Variants in ARHGAP10 observed in about 807,000 individuals in gnomAD.
ARHGAP10 encodes the protein Rho GTPase activating protein 10, also known as rho GTPase-activating protein 10.
A neutral mutation model predicts 108.6 loss-of-function variants in ARHGAP10; 87 were observed. The observed-to-expected ratio is 0.80, with a 90% confidence interval of 0.67 to 0.96. The LOEUF is 0.96. ARHGAP10 is among the 40% of genes least tolerant of loss of function. ARHGAP10 has a pLI of 0.00. For synonymous variants in ARHGAP10, 347 were observed against 341.1 expected (o/e 1.02, Z -0.19); for missense variants, 939 against 954.5 (o/e 0.98, Z 0.21).
intron 18 of ARHGAP10, among the ~76,000 whole-genome samples, chr4:148,019,418 T>C (rs13104594): frequency 0.072 from 10,960 of 152,190 alleles, 519 homozygotes; most frequent in South Asian, 0.19. Context: ...ATGGTTCTCA[T>C]TGTGCACATG....
chr4:148,043,433 GA>G (rs2149677748), intron 19 of ARHGAP10, among the ~76,000 whole-genome samples: 1 of 151,662 alleles, frequency 6.6e-6, no homozygotes, highest in East Asian at 1.9e-4. Flanking sequence ...GAAAAATAAT[GA>G]GTGTATCTGA....
intron 3 of ARHGAP10, among the ~76,000 whole-genome samples, chr4:147,831,235 T>C (rs1181669741): frequency 1.3e-5 from 2 of 152,224 alleles, no homozygotes; most frequent in Non-Finnish European, 2.9e-5. Flanking sequence ...GATGACTGTG[T>C]CCCTGTCAGG....
chr4:147,848,602 C>G (rs1009304604), intron 4 of ARHGAP10, among the ~76,000 whole-genome samples: 4 of 152,338 alleles, frequency 2.6e-5, no homozygotes, highest in Non-Finnish European at 1.5e-5. Context: ...TCTCTTTTAA[C>G]ATTTCATTGG....
intron 18 of ARHGAP10, among the ~76,000 whole-genome samples, chr4:147,998,821 A>C (rs1740582370): frequency 6.6e-6 from 1 of 152,260 alleles, no homozygotes; most frequent in African/African-American, 2.4e-5. Context: ...AATATATCTT[A>C]AAATTTGTAT....
intron 15 of ARHGAP10, among the ~76,000 whole-genome samples, chr4:147,951,013 G>A (rs765268599): frequency 2.6e-5 from 4 of 152,036 alleles, no homozygotes. Flanking sequence ...AAAACATGTC[G>A]GGTGGGAGGC....
chr4:147,914,442 C>A (rs1203096387), intron 13 of ARHGAP10, among the ~76,000 whole-genome samples: 1 of 151,982 alleles, frequency 6.6e-6, no homozygotes, highest in East Asian at 1.9e-4. Flanking sequence ...ACTGCAGCCT[C>A]AAATTCCTGG....
intron 19 of ARHGAP10, among the ~76,000 whole-genome samples, chr4:148,030,471 C>T (rs1038211597): frequency 3.3e-5 from 5 of 152,100 alleles, no homozygotes; most frequent in African/African-American, 1.2e-4. Flanking sequence ...TCTTTGATAG[C>T]CAGGAAGATG....
intron 1 of ARHGAP10, among the ~76,000 whole-genome samples, chr4:147,821,055 G>T (rs1430617260): frequency 1.3e-5 from 2 of 152,088 alleles, no homozygotes; most frequent in African/African-American, 4.8e-5. Flanking sequence ...CATGTACAGG[G>T]CTGGCTGGCT....
chr4:148,055,847 C>T (rs535227070), intron 20 of ARHGAP10, among the ~76,000 whole-genome samples: 1 of 152,238 alleles, frequency 6.6e-6, no homozygotes, highest in Admixed American at 6.5e-5. Flanking sequence ...ATGTGTGGGT[C>T]AGCCCCAGGC....
At chr4:147,938,645 A>T (rs1284104802) in intron 13 of ARHGAP10, among the ~76,000 whole-genome samples, 4 of 152,186 alleles carry the variant, frequency 2.6e-5, no homozygotes, top group Non-Finnish European at 4.4e-5. Context: ...TCTGACTAGT[A>T]TTCTTTTCAT....
At chr4:147,756,045 G>T (rs935988275) in intron 1 of ARHGAP10, among the ~76,000 whole-genome samples, 5 of 150,944 alleles carry the variant, frequency 3.3e-5, no homozygotes, top group Non-Finnish European at 7.4e-5. Flanking sequence ...CTAGTTGTCA[G>T]TGGTGAGGAT....
intron 4 of ARHGAP10, among the ~76,000 whole-genome samples, chr4:147,852,632 A>G (rs1330972985): frequency 2.0e-5 from 3 of 151,348 alleles, no homozygotes; most frequent in Non-Finnish European, 4.4e-5. Context: ...TAAGGAAGCC[A>G]GTTTTACCAT....
intron 4 of ARHGAP10, among the ~76,000 whole-genome samples, chr4:147,854,999 GTCACCCCT>G (rs1226438486): frequency 6.6e-6 from 1 of 152,130 alleles, no homozygotes; most frequent in East Asian, 1.9e-4. Context: ...TGATTAAAGC[GTCACCCCT>G]TCCTCGGCCC....
At chr4:147,918,924 ACT>A (rs913466332) in intron 13 of ARHGAP10, among the ~76,000 whole-genome samples, 5 of 152,052 alleles carry the variant, frequency 3.3e-5, no homozygotes, top group Admixed American at 6.5e-5. Context: ...TTGGGACCTT[ACT>A]CTCTCATACT....
At chr4:147,997,871 CAA>C (rs975269577) in intron 18 of ARHGAP10, among the ~76,000 whole-genome samples, 1 of 151,818 alleles carries the variant, frequency 6.6e-6, no homozygotes, top group Non-Finnish European at 1.5e-5. Context: ...ATAATAGGAG[CAA>C]AAAAATTAGT....
Position 147,750,836 on chromosome 4 carries a change from C to T in ARHGAP10, c.154+18381C>T, listed in dbSNP as rs554099489. Among the ~76,000 whole-genome samples the T allele has an allele frequency of 1.5e-4, 23 of 151,994 alleles. No homozygotes were observed. The South Asian group carries it at 3.1e-3, about 21-fold the overall frequency. ...CAGGCTGGCATCAAACTCCTGACCT[C>T]GTGATCCGCCTGCCTCAGCCTCCCA... On this transcript the variant is annotated intron_variant, in intron 1 of 22. Coordinates refer to ENST00000336498, the MANE Select transcript of ARHGAP10 (RefSeq NM_024605.4).
At chr4:147,981,640 C>G (rs1287257718) in intron 18 of ARHGAP10, among the ~76,000 whole-genome samples, 1 of 152,132 alleles carries the variant, frequency 6.6e-6, no homozygotes, top group Admixed American at 6.5e-5. Flanking sequence ...GTGTCTAATG[C>G]CATCAGTGAA....
chr4:147,746,206 C>T lies in ARHGAP10; in HGVS notation c.154+13751C>T, dbSNP rs559264134. Reference sequence around the variant, plus strand: ...GCATCCTCTGCCTCCGGGGTTAAAGCGATTCTTCTGCCTCAGCCTCCCGAG... The same window carrying T: ...GCATCCTCTGCCTCCGGGGTTAAAGTGATTCTTCTGCCTCAGCCTCCCGAG... On this transcript the variant is annotated intron_variant, in intron 1 of 22. Transcript: ENST00000336498. Among the ~76,000 whole-genome samples, 14 of 151,224 alleles carry T rather than the reference C, an allele frequency of 9.3e-5. 1 individual carries two copies. The highest frequency in any genetic ancestry group is 1.7e-4 in the African/African-American group (7 of 41,148).
intron 18 of ARHGAP10, among the ~76,000 whole-genome samples, chr4:148,017,003 A>C (rs1220061994): frequency 2.0e-5 from 3 of 151,722 alleles, no homozygotes; most frequent in Non-Finnish European, 4.4e-5. Context: ...AAAAAAAAAA[A>C]AACCAGCTGG....
Sources: allele counts gnomAD v4.1 joint callset (sites outside exome capture counted in the v4.1 genomes callset), GRCh38; gene constraint gnomAD v4.1.1; transcripts MANE v1.5; gene names NCBI Gene and HGNC (gene_info 2026-07-23, HGNC 2026-07-21).